CCDC91: variants seen among roughly 807,000 people sequenced by gnomAD.
The protein encoded by CCDC91 is coiled-coil domain-containing protein 91.
CCDC91 carries 48 observed loss-of-function variants against 63.2 expected under a neutral mutation model. That is an observed-to-expected ratio of 0.76 (90% confidence interval 0.60 to 0.97). CCDC91 has a LOEUF of 0.97. Among genes scored for constraint, CCDC91 ranks in the 50% least tolerant of loss-of-function variants. The probability of loss-of-function intolerance (pLI) is 0.00; values close to 1 mark genes in which losing one functional copy is unlikely to be tolerated. For synonymous variants in CCDC91, 167 were observed against 165.8 expected (o/e 1.01, Z -0.06); for missense variants, 500 against 494.6 (o/e 1.01, Z -0.10).
At chr12:28,389,163 G>T (rs896245729) in intron 7 of CCDC91, among the ~76,000 whole-genome samples, 1 of 152,094 alleles carries the variant, frequency 6.6e-6, no homozygotes, top group Non-Finnish European at 1.5e-5. Flanking sequence ...AATGTTCTTT[G>T]TGTATAGTGG....
intron 11 of CCDC91, among the ~76,000 whole-genome samples, chr12:28,471,690 CATA>C (rs75648805): frequency 0.19 from 29,060 of 151,764 alleles, 3,645 homozygotes; most frequent in Non-Finnish European, 0.29. Context: ...GGCATTAACT[CATA>C]ATAATTATTT....
At chr12:28,280,641 T>C (rs1421457969) in intron 3 of CCDC91, among the ~76,000 whole-genome samples, 5 of 152,094 alleles carry the variant, frequency 3.3e-5, no homozygotes, top group African/African-American at 7.2e-5. Context: ...CTATTAAAGA[T>C]AATTGCTAAT....
rs374649219 is a variant in CCDC91, at chr12:28,444,746, G to A, written c.763-5415G>A. On this transcript the variant is annotated intron_variant, in intron 8 of 12. Coordinates refer to ENST00000536442, the MANE Select transcript of CCDC91 (RefSeq NM_018318.5). The stretch of plus-strand genomic sequence containing the variant: ...TCTCGGGTACTGGGCTTAGTACTTT[G>A]GTGATGAAATAATCTGTACAGCAAA... Among the ~76,000 whole-genome samples the A allele has an allele frequency of 7.2e-5, 11 of 152,186 alleles. No homozygotes were observed. In the East Asian group the frequency reaches 1.5e-3, roughly 21 times the overall value.
chr12:28,429,968 T>G (rs1389011686), intron 8 of CCDC91, among the ~76,000 whole-genome samples: 1 of 152,146 alleles, frequency 6.6e-6, no homozygotes, highest in African/African-American at 2.4e-5. Flanking sequence ...TTGAGTCACT[T>G]CATTCTGTAT....
chr12:28,512,801 C>T (rs1241882126), intron 12 of CCDC91, among the ~76,000 whole-genome samples: 3 of 151,802 alleles, frequency 2.0e-5, no homozygotes, highest in Non-Finnish European at 2.9e-5. Context: ...TCAATAAATG[C>T]CAAGTTGTAT....
intron 7 of CCDC91, among the ~76,000 whole-genome samples, chr12:28,370,788 A>G (rs969932988): frequency 1.3e-5 from 2 of 152,084 alleles, no homozygotes; most frequent in South Asian, 2.1e-4. Flanking sequence ...GCAGAAGGCA[A>G]AGGAGAAGCA....
chr12:28,351,048 G>C (rs1943150506), intron 6 of CCDC91, among the ~76,000 whole-genome samples: 1 of 152,130 alleles, frequency 6.6e-6, no homozygotes, highest in Non-Finnish European at 1.5e-5. Flanking sequence ...CAAAATTCCT[G>C]TCCCTCACTG....
At chr12:28,191,275 T>A (rs549853108) in intron 1 of CCDC91, 1 of 152,362 alleles carries the variant, frequency 6.6e-6, no homozygotes, top group South Asian at 2.1e-4. Context: ...ACATGAAACC[T>A]ATTTTTGGCT....
intron 8 of CCDC91, among the ~76,000 whole-genome samples, chr12:28,424,766 A>T (rs986481892): frequency 3.9e-5 from 6 of 152,134 alleles, no homozygotes; most frequent in East Asian, 1.9e-4. Context: ...CATGTAATCC[A>T]ATTCATCAAT....
intron 6 of CCDC91, among the ~76,000 whole-genome samples, chr12:28,316,624 CT>C (rs903682984): frequency 2.3e-5 from 1 of 44,134 alleles, no homozygotes; most frequent in African/African-American, 8.5e-5. Flanking sequence ...TCTGGTCCTT[CT>C]TTTTTTCATA....
At chr12:28,516,246 G>T (rs551062149) in intron 12 of CCDC91, among the ~76,000 whole-genome samples, 1 of 152,008 alleles carries the variant, frequency 6.6e-6, no homozygotes, top group East Asian at 1.9e-4. Context: ...TTAGGATACT[G>T]TCTTGGTCTG....
At chr12:28,377,449 G>C (rs114402207) in intron 7 of CCDC91, among the ~76,000 whole-genome samples, 3,049 of 151,786 alleles carry the variant, frequency 0.02, 110 homozygotes, top group African/African-American at 0.068. Context: ...AGAAAATGTA[G>C]TTTGTTTTAA....
chr12:28,472,195 A>T (rs1380508713), intron 11 of CCDC91, among the ~76,000 whole-genome samples: 2 of 152,206 alleles, frequency 1.3e-5, no homozygotes, highest in South Asian at 4.1e-4. Context: ...AAGCACTCCT[A>T]TCTGAAGCCA....
chr12:28,489,559 C>T (rs1308463125), intron 12 of CCDC91, among the ~76,000 whole-genome samples: 3 of 151,922 alleles, frequency 2.0e-5, no homozygotes, highest in Non-Finnish European at 4.4e-5. Context: ...AATAAAATCT[C>T]ATCCAAATGT....
intron 12 of CCDC91, among the ~76,000 whole-genome samples, chr12:28,520,238 T>G (rs1249052114): frequency 6.6e-6 from 1 of 152,164 alleles, no homozygotes; most frequent in African/African-American, 2.4e-5. Context: ...ACCTGTTGTT[T>G]CCTGACTTTT....
chr12:28,235,892 T>TAA (rs1944915158), intron 1 of CCDC91, among the ~76,000 whole-genome samples: 3 of 152,116 alleles, frequency 2.0e-5, no homozygotes, highest in Admixed American at 2.0e-4. Flanking sequence ...TAGTGTCTTA[T>TAA]ATCATCTGTA....
In CCDC91 at chr12:28,224,092, T is replaced by C. The variant is rs186513700; in HGVS notation, c.-14-33110T>C. Among the ~76,000 whole-genome samples the C allele has an allele frequency of 1.4e-4, 21 of 152,316 alleles. No individual in the cohort carries two copies. The East Asian group carries it at 3.5e-3, about 25-fold the overall frequency. ...TGTGGTTTCTGTGGGTGGTTGGTTG[T>C]TTTAAAAACTGTTTCAAAGAAGTAC... On this transcript the variant is annotated intron_variant, in intron 1 of 12. Transcript: ENST00000536442.
At position 28,305,782 on chromosome 12, in the gene CCDC91, G is replaced by C. The variant is rs756075446; in HGVS notation, c.243G>C (p.Val81=). 1 of 1,612,612 alleles carries C rather than the reference G, an allele frequency of 6.2e-7. No individual in the cohort carries two copies. Among genetic ancestry groups the C allele is most frequent in the Non-Finnish European group, 8.5e-7 (1 of 1,179,142 alleles). Residue 81 remains valine (V), a synonymous_variant, in exon 4 of 13, where the codon GTG becomes GTC. Coordinates refer to ENST00000536442, the MANE Select transcript of CCDC91 (RefSeq NM_018318.5). ...PENTHAANSI[V]SQTIPKAQIQ... Reference sequence around the variant, plus strand: ...ATACACATGCAGCAAATAGCATTGTGAGTCAAACTATTCCAAAAGCACAGG... The same window carrying C: ...ATACACATGCAGCAAATAGCATTGTCAGTCAAACTATTCCAAAAGCACAGG...
intron 6 of CCDC91, among the ~76,000 whole-genome samples, chr12:28,313,444 C>CT (rs1939524132): frequency 6.6e-6 from 1 of 151,970 alleles, no homozygotes; most frequent in Non-Finnish European, 1.5e-5. Flanking sequence ...ATACTGGGCT[C>CT]TGAGTTTTCA....
Sources: gnomAD v4.1 joint callset for allele counts (sites outside exome capture counted in the v4.1 genomes callset) on GRCh38, gnomAD v4.1.1 for gene constraint, MANE v1.5 for transcripts, NCBI Gene and HGNC (gene_info 2026-07-23, HGNC 2026-07-21) for gene names.